TLL2: variants seen among roughly 807,000 people sequenced by gnomAD.
TLL2 encodes tolloid-like protein 2.
In TLL2, 106 loss-of-function variants were observed where a neutral mutation model predicts 123.0. The observed-to-expected ratio is 0.86, with a 90% confidence interval of 0.74 to 1.01. TLL2 has a LOEUF of 1.01. Ranked by LOEUF, TLL2 falls within the 50% of genes least tolerant of loss-of-function variation. The pLI is 0.00. For synonymous variants in TLL2, 494 were observed against 516.8 expected, an observed-to-expected ratio of 0.96 and a Z score of 0.60; for missense variants, 1,332 against 1,336.7, an observed-to-expected ratio of 1.00 and a Z score of 0.06.
At chr10:96,388,406 C>T (rs1846257428) in intron 13 of TLL2, among the ~76,000 whole-genome samples, 1 of 152,046 alleles carries the variant, frequency 6.6e-6, no homozygotes, top group Non-Finnish European at 1.5e-5. Context: ...GTCTCAACAA[C>T]AACAAAAAAA....
intron 13 of TLL2, among the ~76,000 whole-genome samples, chr10:96,389,037 T>C (rs1846261805): frequency 6.6e-6 from 1 of 152,224 alleles, no homozygotes; most frequent in Non-Finnish European, 1.5e-5. Flanking sequence ...ACTTTTTTTA[T>C]CACCTTACCA....
At chr10:96,480,157 G>C (rs1280307630) in intron 2 of TLL2, among the ~76,000 whole-genome samples, 192 bp downstream of exon 2, 1 of 152,184 alleles carries the variant, frequency 6.6e-6, no homozygotes, top group Non-Finnish European at 1.5e-5. Flanking sequence ...TTTCTTAGAT[G>C]AATCAGCAAA....
At chr10:96,468,427 C>T (rs530865663) in intron 2 of TLL2, among the ~76,000 whole-genome samples, 1 of 152,268 alleles carries the variant, frequency 6.6e-6, no homozygotes, top group Admixed American at 6.5e-5. Context: ...CTTCGTGGCC[C>T]CTGAGAAGAG....
chr10:96,456,721 G>A (rs535960707), intron 2 of TLL2, among the ~76,000 whole-genome samples: 1 of 152,268 alleles, frequency 6.6e-6, no homozygotes, highest in South Asian at 2.1e-4. Flanking sequence ...CTCTGGCCAG[G>A]GCTTACCACC....
In TLL2 at chr10:96,444,464, T is replaced by C. The variant is rs74151344; in HGVS notation, c.364+1627A>G. Among the ~76,000 whole-genome samples, 724 of 152,302 alleles carry C rather than the reference T, an allele frequency of 4.8e-3. 7 individuals are homozygous for C. The highest frequency in any genetic ancestry group is 0.017 in the African/African-American group (687 of 41,560). ...CCATGAGGTATTGATGACGAAAGCA[T>C]GATGCAGAAAAAATGTGTATCAAAT... On this transcript the variant is annotated intron_variant, in intron 3 of 20. Transcript: ENST00000357947.
chr10:96,369,967 A>T, intron 20 of TLL2, 98 bp downstream of exon 20: 1 of 1,456,582 alleles, frequency 6.9e-7, no homozygotes, highest in South Asian at 1.4e-5. Flanking sequence ...TCCTAAGTGG[A>T]GTAGGTGGCC....
At chr10:96,383,774 C>T (rs1846205541) in intron 16 of TLL2, among the ~76,000 whole-genome samples, 1 of 143,260 alleles carries the variant, frequency 7.0e-6, no homozygotes. Context: ...GCACACACCA[C>T]CACGCCCGGC....
chr10:96,474,612 G>A (rs542824278), intron 2 of TLL2, among the ~76,000 whole-genome samples: 2 of 152,290 alleles, frequency 1.3e-5, no homozygotes, highest in East Asian at 3.9e-4. Context: ...GGATACACAG[G>A]TTGTGGACAT....
chr10:96,486,034 G>A (rs1159184566), intron 1 of TLL2, among the ~76,000 whole-genome samples: 1 of 152,222 alleles, frequency 6.6e-6, no homozygotes, highest in Non-Finnish European at 1.5e-5. Flanking sequence ...CCAAGCCAAG[G>A]AAGTTACATA....
In TLL2 at chr10:96,471,321, T is replaced by C. The variant is rs116937452; in HGVS notation, c.286+9028A>G. ...CACCCGGCCACTTGGGAAGTCTTTA[T>C]GTTGGAGATTGATTCAGAGATTTCC... On this transcript the variant is annotated intron_variant, in intron 2 of 20. Transcript: ENST00000357947. Among the ~76,000 whole-genome samples, 352 of 152,242 alleles carry C rather than the reference T, an allele frequency of 2.3e-3. 9 individuals are homozygous for C. The East Asian group carries it at 0.057, about 25-fold the overall frequency.
chr10:96,369,970 A>G, intron 20 of TLL2, 95 bp downstream of exon 20: 7 of 1,459,516 alleles, frequency 4.8e-6, no homozygotes, highest in Non-Finnish European at 6.3e-6. Flanking sequence ...TAAGTGGAGT[A>G]GGTGGCCGGG....
At position 96,378,991 on chromosome 10, in the gene TLL2, C is replaced by T. The variant is rs149466962; in HGVS notation, c.2296G>A (p.Glu766Lys). 12 of 1,614,196 alleles carry T rather than the reference C, an allele frequency of 7.4e-6. No homozygotes were observed. In the African/African-American group the frequency reaches 8.0e-5, roughly 11 times the overall value. The change falls in exon 17 of 21, where the codon GAG becomes AAG. Residue 766 changes from glutamate to lysine, a missense_variant. Coordinates refer to ENST00000357947, the MANE Select transcript of TLL2 (RefSeq NM_012465.4). ...CRCRNGYWLH[E>K]NGHDCKEAGC... ...CCCTCTTTGCAGTCATGCCCATTCT[C>T]GTGGAGCCAGTAGCCGTTTCTGCAC...
At chr10:96,444,543 A>T (rs7094600) in intron 3 of TLL2, among the ~76,000 whole-genome samples, 3,286 of 152,298 alleles carry the variant, frequency 0.022, 105 homozygotes, top group African/African-American at 0.069. Flanking sequence ...TTATGTTTAG[A>T]TGTATGCTTA....
intron 4 of TLL2, among the ~76,000 whole-genome samples, chr10:96,429,893 C>T (rs1439918956): frequency 6.6e-6 from 1 of 152,088 alleles, no homozygotes; most frequent in Non-Finnish European, 1.5e-5. Context: ...TCCAGGCTGA[C>T]AGTTACGTAT....
chr10:96,397,340 G>T (rs2134063703), intron 10 of TLL2, 38 bp from the exon 11 acceptor site: 1 of 1,555,318 alleles, frequency 6.4e-7, no homozygotes, highest in South Asian at 1.2e-5. Flanking sequence ...GAGCCCTGGG[G>T]ACAGCAAGAA....
Position 96,403,976 on chromosome 10 carries a change from T to C in TLL2, c.1267+1256A>G, listed in dbSNP as rs201677844. Among the ~76,000 whole-genome samples, 886 of 149,726 alleles carry C rather than the reference T, an allele frequency of 5.9e-3. 3 individuals carry two copies. Among genetic ancestry groups the C allele is most frequent in the African/African-American group, 0.015 (632 of 41,230 alleles). ...CCAGGCATAGTACCTTCCCTTGAAC[T>C]TAATTATGACATAGATTCTTTTGCT... On this transcript the variant is annotated intron_variant, in intron 10 of 20. Coordinates refer to ENST00000357947, the MANE Select transcript of TLL2 (RefSeq NM_012465.4).
intron 18 of TLL2, among the ~76,000 whole-genome samples, chr10:96,374,923 G>A (rs1846122512): frequency 7.4e-6 from 1 of 134,754 alleles, no homozygotes; most frequent in Non-Finnish European, 1.5e-5. Flanking sequence ...ATGAAGACTT[G>A]GACCAAATGA....
intron 1 of TLL2, among the ~76,000 whole-genome samples, chr10:96,484,640 CT>C (rs1218730980): frequency 2.0e-5 from 3 of 149,970 alleles, no homozygotes; most frequent in African/African-American, 4.9e-5. Flanking sequence ...CCATGGCTTT[CT>C]TTTTTTTCTT....
At chr10:96,375,427 T>C (rs1455250485) in intron 18 of TLL2, 2 of 152,130 alleles carry the variant, frequency 1.3e-5, no homozygotes, top group Non-Finnish European at 2.9e-5. Context: ...CCGTTGTGCG[T>C]TTGCGCGCTC....
Sources: allele counts gnomAD v4.1 joint callset (sites outside exome capture counted in the v4.1 genomes callset), GRCh38; gene constraint gnomAD v4.1.1; transcripts MANE v1.5; gene names NCBI Gene and HGNC (gene_info 2026-07-23, HGNC 2026-07-21).